Variants in CHD1 observed in about 807,000 individuals in gnomAD.
The protein encoded by CHD1 is ATP-dependent chromatin remodeler CHD1.
Under a neutral mutation model 224.2 loss-of-function variants are expected in CHD1, and 36 were observed. The ratio of observed to expected loss-of-function variants is 0.16; its 90% CI spans 0.12 to 0.21. CHD1 has a LOEUF of 0.21. Among genes scored for constraint, CHD1 ranks in the 10% least tolerant of loss-of-function variants. The probability of loss-of-function intolerance (pLI) is 1.00; values close to 1 mark genes in which losing one functional copy is unlikely to be tolerated. For synonymous variants in CHD1, 668 were observed against 658.3 expected, an observed-to-expected ratio of 1.01 and a Z score of -0.23; for missense variants, 1,378 against 1,994.8, an observed-to-expected ratio of 0.69 and a Z score of 5.89.
chr5:98,909,409 T>C (rs1171633527), intron 2 of CHD1, among the ~76,000 whole-genome samples: 1 of 152,170 alleles, frequency 6.6e-6, no homozygotes, highest in Non-Finnish European at 1.5e-5. Context: ...TGGCATTTAA[T>C]GTTTTGTTGT....
rs1419283790 is a variant in CHD1, at chr5:98,876,533, C to T, written c.3263G>A (p.Arg1088Lys). The change falls in exon 24 of 36, where the codon AGG (arginine) becomes AAG (lysine). Residue 1088 changes from arginine (R) to lysine (K), a missense_variant. By Grantham distance (26) the Arg-to-Lys change is conservative. Around this residue, in one of 16 missense-constraint regions of CHD1, gnomAD observed 286 missense variants for 445.1 expected, o/e 0.64. Transcript: ENST00000614616. ...AGAGTATCTCCTACTTCTACTGCGC[C>T]TCCCTTCACTTCCATTGAAACTAAT... ...KQISFNGSEG[R>K]RSRSRRYSGS... 1 of 1,613,790 alleles carries T rather than the reference C, an allele frequency of 6.2e-7. No homozygotes were observed. Among genetic ancestry groups the T allele is most frequent in the South Asian group, 1.1e-5 (1 of 91,062 alleles).
At position 98,922,327 on chromosome 5, in the gene CHD1, G is replaced by GTTA. The variant is rs1298666472; in HGVS notation, c.53+4004_53+4006dup. Among the ~76,000 whole-genome samples the GTTA allele has an allele frequency of 3.3e-5, 5 of 152,310 alleles. No individual in the cohort carries two copies. In the East Asian group the frequency reaches 9.6e-4, roughly 29 times the overall value. On this transcript the variant is annotated intron_variant, in intron 2 of 35. Transcript: ENST00000614616. ...TAAAACTTTGTGTTGAGCTGTAACT[G>GTTA]TTATACAGGTGCATCCTGGCCCACA...
At chr5:98,906,759 ATC>A (rs1463815009) in intron 2 of CHD1, among the ~76,000 whole-genome samples, 1 of 152,232 alleles carries the variant, frequency 6.6e-6, no homozygotes, top group Non-Finnish European at 1.5e-5. Context: ...ATAAAAGAGT[ATC>A]TCTTTCTTTT....
At position 98,893,421 on chromosome 5, in the gene CHD1, T is replaced by C. The variant is rs1751148781; in HGVS notation, c.1986A>G (p.Pro662=). 2 of 1,581,564 alleles carry C rather than the reference T, an allele frequency of 1.3e-6. No individual in the cohort carries two copies. The highest frequency in any genetic ancestry group is 1.7e-6 in the Non-Finnish European group (2 of 1,166,188). The change falls in exon 14 of 36, where the codon CCA becomes CCG. Residue 662 remains proline (P), a synonymous_variant. Transcript: ENST00000614616. ...ELWSLLHFIM[P]EKFSSWEDFE... is the part of the protein sequence containing the mutation. ...AAATTGTAAAGTTGTCTTACTTTTC[T>C]GGCATAATGAAATGTAGCAAAGACC...
Position 98,879,689 on chromosome 5 carries a change from A to T in CHD1, c.3100T>A (p.Leu1034Met). 6.2e-7 allele frequency: 1 copy of T among 1,607,314 alleles called. No homozygotes were observed. Among genetic ancestry groups the T allele is most frequent in the Middle Eastern group, 1.8e-4 (1 of 5,632 alleles). The change falls in exon 23 of 36, where the codon TTG becomes ATG. Residue 1034 changes from leucine to methionine, a missense_variant. Around this residue, in one of 16 missense-constraint regions of CHD1, gnomAD observed 286 missense variants for 445.1 expected, o/e 0.64. Coordinates refer to ENST00000614616, the MANE Select transcript of CHD1 (RefSeq NM_001270.4). ...FSNMDEDDIE[L>M]EPERNSKNWE... ...TTCTTTGAATTTCTTTCAGGTTCCA[A>T]CTCAATGTCATCCTCATCCATATTT...
chr5:98,916,639 G>A (rs1164318107), intron 2 of CHD1, among the ~76,000 whole-genome samples: 4 of 149,314 alleles, frequency 2.7e-5, no homozygotes, highest in Non-Finnish European at 3.0e-5. Flanking sequence ...GAAGTTACCA[G>A]CAATATGTAA....
intron 2 of CHD1, among the ~76,000 whole-genome samples, chr5:98,918,111 G>A: frequency 6.7e-6 from 1 of 150,174 alleles, no homozygotes; most frequent in East Asian, 2.0e-4. Context: ...AGGCTGGAGT[G>A]CCGTGGCACG....
At chr5:98,907,358 G>T (rs530226815) in intron 2 of CHD1, among the ~76,000 whole-genome samples, 1 of 152,142 alleles carries the variant, frequency 6.6e-6, no homozygotes, top group Non-Finnish European at 1.5e-5. Context: ...GAAGGCAGAG[G>T]GGGGCGGATC....
chr5:98,858,385 C>T lies in CHD1; in HGVS notation c.4582G>A (p.Glu1528Lys), dbSNP rs1748202843. 6.2e-7 allele frequency: 1 copy of T among 1,610,388 alleles called. No individual in the cohort carries two copies. ...NPHVIRNPDV[E>K]RLKENTNHDD... ...TGATTTGTATTCTCTTTTAATCTTT[C>T]CACATCTGTTAGATAAGTACAACTT... The change falls in exon 35 of 36, where the codon GAA (glutamate) becomes AAA (lysine). Residue 1528 changes from glutamate to lysine, a missense_variant. By Grantham distance (56) the Glu-to-Lys change is moderately conservative. Transcript: ENST00000614616.
At chr5:98,910,728 T>G (rs1395638988) in intron 2 of CHD1, among the ~76,000 whole-genome samples, 1 of 152,166 alleles carries the variant, frequency 6.6e-6, no homozygotes, top group Admixed American at 6.5e-5. Context: ...TAGCAGATTA[T>G]ATACACATTA....
Position 98,863,504 on chromosome 5 carries a change from AGTT to A in CHD1, c.4328_4330del (p.Gln1443del). The A allele has an allele frequency of 6.2e-7, 1 of 1,609,760 alleles. No individual in the cohort carries two copies. The highest frequency in any genetic ancestry group is 8.5e-7 in the Non-Finnish European group (1 of 1,177,530). On this transcript the variant is annotated inframe_deletion, in exon 32 of 36. Coordinates refer to ENST00000614616, the MANE Select transcript of CHD1 (RefSeq NM_001270.4). Reference sequence around the variant, plus strand: ...TATTAAACATTGTCTAGTATGCTCTAGTTGTTCTCTTTCTGAAAGGCCTTTCTC... The same window carrying A: ...TATTAAACATTGTCTAGTATGCTCTAGTTCTCTTTCTGAAAGGCCTTTCTC...
chr5:98,867,242 T>A (rs543672134), intron 31 of CHD1, among the ~76,000 whole-genome samples: 1 of 152,166 alleles, frequency 6.6e-6, no homozygotes, highest in Non-Finnish European at 1.5e-5. Context: ...GCACAGATAG[T>A]TTCTCCCTCA....
chr5:98,912,673 A>T (rs1752498252), intron 2 of CHD1, among the ~76,000 whole-genome samples: 1 of 152,192 alleles, frequency 6.6e-6, no homozygotes, highest in South Asian at 2.1e-4. Context: ...TCTGTCTCAA[A>T]AAAATAAAAT....
chr5:98,857,605 G>A (rs554201780), intron 35 of CHD1, among the ~76,000 whole-genome samples: 26 of 151,954 alleles, frequency 1.7e-4, no homozygotes, highest in African/African-American at 5.1e-4. Context: ...ATTAACTACC[G>A]AAAATACTTC....
intron 26 of CHD1, among the ~76,000 whole-genome samples, chr5:98,873,248 CCA>C (rs1749495812): frequency 6.6e-6 from 1 of 151,780 alleles, no homozygotes; most frequent in East Asian, 1.9e-4. Flanking sequence ...TTATATTTTC[CCA>C]GTCATCTATA....
intron 12 of CHD1, among the ~76,000 whole-genome samples, chr5:98,895,750 A>C (rs982947567): frequency 2.6e-5 from 4 of 151,868 alleles, no homozygotes; most frequent in African/African-American, 4.8e-5. Flanking sequence ...GAAAACAAAA[A>C]AAAAAAAACC....
At chr5:98,876,867 C>T (rs11738445) in intron 23 of CHD1, among the ~76,000 whole-genome samples, 2 of 152,156 alleles carry the variant, frequency 1.3e-5, no homozygotes, top group Admixed American at 6.5e-5. Context: ...AAGTAATTTA[C>T]ATCATAAAAG....
intron 17 of CHD1, 62 bp from the exon 18 acceptor site, chr5:98,885,711 A>G: frequency 2.0e-6 from 2 of 977,160 alleles, no homozygotes; most frequent in South Asian, 2.9e-5. Context: ...AGCAATTAAA[A>G]TCAATTATAA....
In CHD1 at chr5:98,881,368, GAGT is replaced by G. The variant is rs1377782485; in HGVS notation, c.2872_2874del (p.Thr958del). On this transcript the variant is annotated inframe_deletion, in exon 21 of 36. Coordinates refer to ENST00000614616, the MANE Select transcript of CHD1 (RefSeq NM_001270.4). Reference sequence around the variant, plus strand: ...GCTGATAACTCTTCTTTATTGAAAGGAGTAGAACTAAAACAGGAAAAACAAAAA... The same window carrying G: ...GCTGATAACTCTTCTTTATTGAAAGGAGAACTAAAACAGGAAAAACAAAAA... The G allele has an allele frequency of 6.6e-7, 1 of 1,519,232 alleles. No homozygotes were observed. Among genetic ancestry groups the G allele is most frequent in the Non-Finnish European group, 8.8e-7 (1 of 1,130,790 alleles). The allele number at this position is 1,519,232 out of a possible 1,614,324, so 94.1% of individuals were successfully genotyped here. A position where few individuals can be genotyped will look rare whatever the true frequency, so the allele number is the denominator to read the frequency against.
Sources: gnomAD v4.1 joint callset for allele counts (sites outside exome capture counted in the v4.1 genomes callset) on GRCh38, gnomAD v4.1.1 for gene constraint, gnomAD v4.1.1 regional missense constraint, MANE v1.5 for transcripts, NCBI Gene and HGNC (gene_info 2026-07-23, HGNC 2026-07-21) for gene names.